Variants in CNTN4 observed in about 807,000 individuals in gnomAD.
CNTN4 encodes the protein contactin-4.
A neutral mutation model predicts 122.5 loss-of-function variants in CNTN4; 77 were observed. The ratio of observed to expected loss-of-function variants is 0.63; its 90% CI spans 0.52 to 0.76. The LOEUF is 0.76. CNTN4 is among the 30% of genes least tolerant of loss of function. The pLI is 0.00. For missense variants in CNTN4, 1,256 were observed against 1,259.1 expected (o/e 1.00, Z 0.04); for synonymous variants, 512 against 447.0 (o/e 1.15, Z -1.83).
At chr3:2,944,155 GT>G (rs56827432) in intron 13 of CNTN4, among the ~76,000 whole-genome samples, 2,754 of 146,088 alleles carry the variant, frequency 0.019, 38 homozygotes, top group Admixed American at 0.039. Flanking sequence ...TTTTTGGGGG[GT>G]TTTTTTTTTG....
chr3:2,405,603 A>AGATAGG (rs1559524184), intron 3 of CNTN4, among the ~76,000 whole-genome samples: 1 of 111,910 alleles, frequency 8.9e-6, no homozygotes, highest in Non-Finnish European at 2.1e-5. Context: ...AGGTAGATAG[A>AGATAGG]TAGATAGATA....
chr3:2,486,079 T>C (rs6442734), intron 3 of CNTN4, among the ~76,000 whole-genome samples: 31,643 of 152,032 alleles, frequency 0.21, 4,509 homozygotes, highest in African/African-American at 0.41. Flanking sequence ...GCAGCTTCTC[T>C]CCTGAGGCCA....
intron 3 of CNTN4, among the ~76,000 whole-genome samples, chr3:2,494,436 T>A (rs1446332584): frequency 1.3e-5 from 2 of 152,132 alleles, no homozygotes; most frequent in Non-Finnish European, 2.9e-5. Flanking sequence ...ACTGAAGAGA[T>A]GAGGTCAGCA....
At chr3:2,131,425 C>T (rs2034447011) in intron 2 of CNTN4, among the ~76,000 whole-genome samples, 1 of 152,154 alleles carries the variant, frequency 6.6e-6, no homozygotes, top group African/African-American at 2.4e-5. Context: ...GAATGAGTCT[C>T]AGTAGCAACA....
At chr3:2,166,379 C>G (rs1051138214) in intron 2 of CNTN4, among the ~76,000 whole-genome samples, 1 of 151,898 alleles carries the variant, frequency 6.6e-6, no homozygotes, top group African/African-American at 2.4e-5. Flanking sequence ...GCCAAGGAGA[C>G]TTTAAATGCT....
rs371547668 is a variant in CNTN4 at position 2,565,540 on chromosome 3, T to C, written c.-88-5876T>C. 1.1e-4 allele frequency among the ~76,000 whole-genome samples: 16 copies of C among 152,308 alleles called. No homozygotes were observed. The South Asian group carries it at 3.3e-3, about 32-fold the overall frequency. On this transcript the variant is annotated intron_variant, in intron 3 of 24. Coordinates refer to ENST00000418658, the MANE Select transcript of CNTN4 (RefSeq NM_175607.3). ...ACATACAGATGACCTGAACTACTCA[T>C]TTGACATATAAACTATATCTTGTAT... is the stretch of plus-strand genomic sequence containing the variant.
intron 7 of CNTN4, among the ~76,000 whole-genome samples, chr3:2,848,172 G>C (rs1436297851): frequency 6.6e-6 from 1 of 152,174 alleles, no homozygotes; most frequent in Non-Finnish European, 1.5e-5. Flanking sequence ...CCAGGAATTT[G>C]AGGTTTCAAT....
intron 2 of CNTN4, among the ~76,000 whole-genome samples, chr3:2,247,778 A>G (rs1198591009): frequency 6.6e-6 from 1 of 151,972 alleles, no homozygotes; most frequent in African/African-American, 2.4e-5. Flanking sequence ...TCTAGTCAGC[A>G]AAAGTGGCAG....
At chr3:2,502,149 A>G (rs1354378378) in intron 3 of CNTN4, among the ~76,000 whole-genome samples, 4 of 152,190 alleles carry the variant, frequency 2.6e-5, no homozygotes, top group Non-Finnish European at 4.4e-5. Context: ...TACTCAATGT[A>G]TAATATATTC....
chr3:2,248,581 T>C (rs956652370), intron 2 of CNTN4, among the ~76,000 whole-genome samples: 1 of 151,994 alleles, frequency 6.6e-6, no homozygotes, highest in Non-Finnish European at 1.5e-5. Context: ...AACATTTGTA[T>C]CCATTGGGTA....
At chr3:2,406,997 A>G (rs1254968726) in intron 3 of CNTN4, among the ~76,000 whole-genome samples, 1 of 152,208 alleles carries the variant, frequency 6.6e-6, no homozygotes, top group East Asian at 1.9e-4. Flanking sequence ...CCAAAGTCTT[A>G]AATTCCAGTT....
chr3:3,043,533 C>A, intron 22 of CNTN4, 59 bp from the exon 23 acceptor site: 1 of 1,279,536 alleles, frequency 7.8e-7, no homozygotes, highest in Non-Finnish European at 1.1e-6. Flanking sequence ...AGGAGATATT[C>A]CTCAGAATCC....
intron 7 of CNTN4, among the ~76,000 whole-genome samples, chr3:2,862,012 C>T (rs1263802258): frequency 6.6e-6 from 1 of 152,210 alleles, no homozygotes; most frequent in Non-Finnish European, 1.5e-5. Context: ...ACCCCACAGT[C>T]CCATCCCTGC....
intron 14 of CNTN4, chr3:3,009,118 C>A (rs1353767399): frequency 2.9e-5 from 22 of 763,828 alleles, no homozygotes; most frequent in Non-Finnish European, 3.3e-5. Context: ...CCTGGCATGA[C>A]TGGAGAGTAG....
At chr3:2,124,745 C>G (rs904207853) in intron 2 of CNTN4, among the ~76,000 whole-genome samples, 7 of 152,054 alleles carry the variant, frequency 4.6e-5, no homozygotes, top group African/African-American at 1.7e-4. Context: ...TCTACTCCAG[C>G]CTGGAAGAGA....
intron 14 of CNTN4, among the ~76,000 whole-genome samples, chr3:3,025,893 T>C (rs961451784): frequency 6.6e-6 from 1 of 152,168 alleles, no homozygotes; most frequent in Non-Finnish European, 1.5e-5. Context: ...AAGGTTCACA[T>C]AATGAGTGTT....
At chr3:2,365,168 T>C (rs545579260) in intron 3 of CNTN4, among the ~76,000 whole-genome samples, 1 of 152,156 alleles carries the variant, frequency 6.6e-6, no homozygotes, top group African/African-American at 2.4e-5. Context: ...CAGGTAATAA[T>C]GTATCCAGGA....
At chr3:2,379,342 A>G (rs888230449) in intron 3 of CNTN4, among the ~76,000 whole-genome samples, 1 of 151,996 alleles carries the variant, frequency 6.6e-6, no homozygotes, top group African/African-American at 2.4e-5. Flanking sequence ...AGAAGCATGC[A>G]GATCTGCCTA....
intron 4 of CNTN4, among the ~76,000 whole-genome samples, chr3:2,688,771 G>T (rs903912115): frequency 6.6e-6 from 1 of 152,150 alleles, no homozygotes; most frequent in Non-Finnish European, 1.5e-5. Context: ...CTCCCTACGT[G>T]GGTCTTTGTA....
Sources: gnomAD v4.1 joint callset for allele counts (sites outside exome capture counted in the v4.1 genomes callset) on GRCh38, gnomAD v4.1.1 for gene constraint, MANE v1.5 for transcripts, NCBI Gene and HGNC (gene_info 2026-07-23, HGNC 2026-07-21) for gene names.